Variants in INPP5B observed in about 807,000 individuals in gnomAD.
The protein encoded by INPP5B is type II inositol 1,4,5-trisphosphate 5-phosphatase.
Under a neutral mutation model 118.5 loss-of-function variants are expected in INPP5B, and 90 were observed. The observed-to-expected ratio is 0.76, with a 90% CI of 0.64 to 0.90. The LOEUF (loss-of-function observed/expected upper bound fraction) is 0.90. Ranked by LOEUF, INPP5B falls within the 40% of genes least tolerant of loss-of-function variation. The probability of loss-of-function intolerance (pLI) is 0.00; values close to 1 mark genes in which losing one functional copy is unlikely to be tolerated. For missense variants in INPP5B, 984 were observed against 1,125.6 expected, an observed-to-expected ratio of 0.87 and a Z score of 1.80; for synonymous variants, 385 against 418.9, an observed-to-expected ratio of 0.92 and a Z score of 0.99.
At chr1:37,938,382 TAACGC>T (rs1557727001) in intron 6 of INPP5B, among the ~76,000 whole-genome samples, 1 of 152,180 alleles carries the variant, frequency 6.6e-6, no homozygotes, top group African/African-American at 2.4e-5. Context: ...GAATAGTGCC[TAACGC>T]ATGCCAAATC....
intron 6 of INPP5B, among the ~76,000 whole-genome samples, chr1:37,933,941 T>G (rs1306042343): frequency 6.9e-6 from 1 of 144,634 alleles, no homozygotes; most frequent in African/African-American, 2.7e-5. Context: ...ATTTATTTAT[T>G]TATTTATTTT....
At chr1:37,896,473 G>A (rs1644077333) in intron 7 of INPP5B, among the ~76,000 whole-genome samples, 1 of 148,390 alleles carries the variant, frequency 6.7e-6, no homozygotes, top group Non-Finnish European at 1.5e-5. Flanking sequence ...AGGGAGGTGG[G>A]GGGATCAGCC....
At chr1:37,911,173 G>A (rs1244096520) in intron 7 of INPP5B, among the ~76,000 whole-genome samples, 1 of 152,124 alleles carries the variant, frequency 6.6e-6, no homozygotes, top group Admixed American at 6.5e-5. Flanking sequence ...ACTTTTAGAG[G>A]CCCTCAAAAT....
At chr1:37,912,878 T>C (rs2148606495) in intron 7 of INPP5B, among the ~76,000 whole-genome samples, 1 of 152,038 alleles carries the variant, frequency 6.6e-6, no homozygotes, top group South Asian at 2.1e-4. Context: ...CTAAACCTTC[T>C]TTAACAAACA....
chr1:37,899,423 G>A (rs551457036), intron 7 of INPP5B, among the ~76,000 whole-genome samples: 2 of 151,844 alleles, frequency 1.3e-5, no homozygotes, highest in East Asian at 1.9e-4. Context: ...ATAGCCAGCC[G>A]TGGTAGCACA....
Position 37,907,349 on chromosome 1 carries a change from A to G in INPP5B, c.533-15895T>C, listed in dbSNP as rs550125951. Reference sequence around the variant, plus strand: ...TCTGACTGAGCTCCTCTCTACCCTGAATACAAGAGACCCTCATAGTTAGGC... The same window carrying G: ...TCTGACTGAGCTCCTCTCTACCCTGGATACAAGAGACCCTCATAGTTAGGC... On this transcript the variant is annotated intron_variant, in intron 7 of 23. Transcript: ENST00000373024. This position sits in a 1 kb window ranked among gnomAD's most constrained non-coding sequence, Gnocchi z 4.3. Among the ~76,000 whole-genome samples, 6 of 152,342 alleles carry G rather than the reference A, an allele frequency of 3.9e-5. No individual in the cohort carries two copies. Among genetic ancestry groups the G allele is most frequent in the South Asian group, 2.1e-4 (1 of 4,826 alleles).
rs1329653519 is a variant in INPP5B, at chr1:37,872,972, T to G, written c.2145A>C (p.Arg715Ser). ...GSPIHTLCYM[R>S]EPILDLPLET... ...CAAGTGGTAGGTCCAAGATTGGCTC[T>G]CTCATGTAACACAGTGTATGAATGG... is the stretch of plus-strand genomic sequence containing the variant. Residue 715 changes from arginine (R) to serine (S), a missense_variant, in exon 19 of 24, where the codon AGA (arginine) becomes AGC (serine). This residue lies in a region of INPP5B where 634 missense variants were observed against 791.0 expected (regional missense o/e 0.80). Transcript: ENST00000373024. 1 of 1,614,046 alleles carries G rather than the reference T, an allele frequency of 6.2e-7. No homozygotes were observed. The highest frequency in any genetic ancestry group is 2.2e-5 in the East Asian group (1 of 44,888).
At chr1:37,893,085 C>CTTTTTTTTTTTTTTTT (rs71053999) in intron 7 of INPP5B, among the ~76,000 whole-genome samples, 1 of 81,436 alleles carries the variant, frequency 1.2e-5, no homozygotes, top group Non-Finnish European at 2.2e-5. Flanking sequence ...TTTTCTTTTT[C>CTTTTTTTTTTTTTTTT]TTTTTTTTTT....
At position 37,861,080 on chromosome 1, in the gene INPP5B, C is replaced by G. The variant is rs1641667977; in HGVS notation, c.*1235G>C. 6.6e-6 allele frequency: 1 copy of G among 152,272 alleles called. No homozygotes were observed. Among genetic ancestry groups the G allele is most frequent in the African/African-American group, 2.4e-5 (1 of 41,462 alleles). The allele number at this position is 152,272 out of a possible 1,614,324, so 9.4% of individuals were successfully genotyped here. On this transcript the variant is annotated 3_prime_UTR_variant, in exon 24 of 24. Coordinates refer to ENST00000373024, the MANE Select transcript of INPP5B (RefSeq NM_005540.3). ...CTGGTCTCAAGTGATGCTCCCACCT[C>G]AGTCTCCCAAAGTGCCGAGATTACA...
intron 7 of INPP5B, among the ~76,000 whole-genome samples, chr1:37,892,567 C>T (rs191040454): frequency 4.0e-4 from 61 of 152,236 alleles, no homozygotes; most frequent in African/African-American, 1.3e-3. Context: ...GAATGAAACA[C>T]CACTGAAGAA....
At chr1:37,918,358 A>G (rs563724775) in intron 7 of INPP5B, among the ~76,000 whole-genome samples, 4 of 152,214 alleles carry the variant, frequency 2.6e-5, no homozygotes, top group East Asian at 3.9e-4. Context: ...TCCTTCATCA[A>G]TCCATCACCC....
At chr1:37,871,269 C>A (rs1308625875) in intron 19 of INPP5B, among the ~76,000 whole-genome samples, 9 of 151,208 alleles carry the variant, frequency 6.0e-5, no homozygotes, top group Non-Finnish European at 2.9e-5. Context: ...ACCAGCCTGG[C>A]CAACATGGCA....
chr1:37,932,070 G>C lies in INPP5B; in HGVS notation c.392-17C>G, dbSNP rs773649428. The C allele has an allele frequency of 6.4e-7, 1 of 1,565,898 alleles. No homozygotes were observed. ...AATCGAAGCCTGTGCAGGAACAAAT[G>C]GGGGCAGACTGAGCCACGAGCTTGA... On this transcript the variant is annotated splice_polypyrimidine_tract_variant and intron_variant, in intron 6 of 23. Coordinates refer to ENST00000373024, the MANE Select transcript of INPP5B (RefSeq NM_005540.3).
chr1:37,886,732 T>C (rs1276520488), intron 12 of INPP5B, among the ~76,000 whole-genome samples, 156 bp downstream of exon 12: 1 of 152,208 alleles, frequency 6.6e-6, no homozygotes, highest in Non-Finnish European at 1.5e-5. Flanking sequence ...AGTTTCTAAA[T>C]AGTTTGCTCG....
At position 37,877,608 on chromosome 1, in the gene INPP5B, T is replaced by C. The variant is rs549843016; in HGVS notation, c.1677+580A>G. 1.6e-4 allele frequency among the ~76,000 whole-genome samples: 25 copies of C among 152,354 alleles called. No individual in the cohort carries two copies. The East Asian group carries it at 4.8e-3, about 29-fold the overall frequency. On this transcript the variant is annotated intron_variant, in intron 16 of 23. Coordinates refer to ENST00000373024, the MANE Select transcript of INPP5B (RefSeq NM_005540.3). Reference sequence around the variant, plus strand: ...TTATTTGAACCGCTAATTTCATCTCTAATAATTTCATTCTATAGAAATACA... The same window carrying C: ...TTATTTGAACCGCTAATTTCATCTCCAATAATTTCATTCTATAGAAATACA...
At chr1:37,920,686 GA>G (rs1645022289) in intron 7 of INPP5B, among the ~76,000 whole-genome samples, 1 of 137,438 alleles carries the variant, frequency 7.3e-6, no homozygotes, top group Non-Finnish European at 1.6e-5. Flanking sequence ...AGAAGAAGAA[GA>G]ACAAGAGTGT....
chr1:37,869,345 A>G (rs151140648), intron 19 of INPP5B, among the ~76,000 whole-genome samples: 2 of 150,096 alleles, frequency 1.3e-5, no homozygotes, highest in East Asian at 3.9e-4. Flanking sequence ...GGGTCTCGCT[A>G]TGCTGCCCAG....
chr1:37,884,979 A>G (rs1215265455), intron 13 of INPP5B: 1 of 152,080 alleles, frequency 6.6e-6, no homozygotes, highest in Non-Finnish European at 1.5e-5. Flanking sequence ...AATAAAACTT[A>G]TACCTTCCCA....
intron 7 of INPP5B, among the ~76,000 whole-genome samples, chr1:37,895,675 A>T (rs1327212252): frequency 6.6e-6 from 1 of 151,818 alleles, no homozygotes; most frequent in Non-Finnish European, 1.5e-5. Context: ...GCCACGCCTG[A>T]CTGGTTTTCG....
Sources: allele counts gnomAD v4.1 joint callset (sites outside exome capture counted in the v4.1 genomes callset), GRCh38; gene constraint gnomAD v4.1.1; regional missense constraint gnomAD v4.1.1; non-coding constraint Gnocchi (gnomAD v3.1); transcripts MANE v1.5; gene names NCBI Gene and HGNC (gene_info 2026-07-23, HGNC 2026-07-21).